Variants in CEP192 observed in about 807,000 individuals in gnomAD.
The protein encoded by CEP192 is centrosomal protein 192, also known as centrosomal protein of 192 kDa.
A neutral mutation model predicts 271.8 loss-of-function variants in CEP192; 151 were observed. The ratio of observed to expected loss-of-function variants is 0.56; its 90% CI spans 0.49 to 0.64. The LOEUF (loss-of-function observed/expected upper bound fraction) is 0.64, where lower values mean the gene tolerates loss of function less well. Ranked by LOEUF, CEP192 falls within the 30% of genes least tolerant of loss-of-function variation. The pLI, the probability that CEP192 is intolerant of heterozygous loss-of-function variation, is 0.00. For missense variants in CEP192, 2,910 were observed against 3,020.5 expected (o/e 0.96, Z 0.86); for synonymous variants, 995 against 1,076.5 (o/e 0.92, Z 1.48).
chr18:13,100,393 C>T lies in CEP192; in HGVS notation c.6752C>T (p.Pro2251Leu), dbSNP rs763198795. ...LTSKPFGILSPVSEPSVSHLV... is the reference protein window; with the variant it reads ...LTSKPFGILSLVSEPSVSHLV... ...TCCAAACCATTTGGAATTCTTTCCCCAGTATCTGAGCCTTCAGTTAGTCAT... is the reference window on the plus strand; with the variant it reads ...TCCAAACCATTTGGAATTCTTTCCCTAGTATCTGAGCCTTCAGTTAGTCAT... Residue 2251 changes from proline to leucine, a missense_variant, in exon 38 of 45, where the codon CCA (proline) becomes CTA (leucine). By Grantham distance (98) the Pro-to-Leu change is moderately conservative. Coordinates refer to ENST00000506447, the MANE Select transcript of CEP192 (RefSeq NM_032142.4). 2.5e-6 allele frequency: 4 copies of T among 1,613,880 alleles called. No homozygotes were observed. In the East Asian group the frequency reaches 8.9e-5, roughly 36 times the overall value.
At chr18:13,014,765 A>G (rs2034548608) in intron 5 of CEP192, among the ~76,000 whole-genome samples, 1 of 152,204 alleles carries the variant, frequency 6.6e-6, no homozygotes, top group South Asian at 2.1e-4. Context: ...GCATTTTCCA[A>G]TATAATTCCT....
chr18:13,031,457 C>T (rs1037698492), intron 11 of CEP192, among the ~76,000 whole-genome samples: 6 of 151,888 alleles, frequency 4.0e-5, no homozygotes, highest in Non-Finnish European at 8.8e-5. Context: ...CCGTTTTAGC[C>T]GGGATGGTCT....
intron 9 of CEP192, among the ~76,000 whole-genome samples, chr18:13,026,486 G>A (rs898365833): frequency 1.3e-5 from 2 of 152,032 alleles, no homozygotes; most frequent in Admixed American, 1.3e-4. Flanking sequence ...CAAATATTCT[G>A]TTGCTTTCTG....
In CEP192 at chr18:13,049,200, T is replaced by C; in HGVS notation, c.2409T>C (p.Ala803=). 3 of 1,614,044 alleles carry C rather than the reference T, an allele frequency of 1.9e-6. No homozygotes were observed. In the East Asian group the frequency reaches 6.7e-5, roughly 36 times the overall value. ...GTGCATTGGAAAACTTTTCAAGGGC[T>C]AGTATGTCTGATACTTGGGATTTAT... is the stretch of plus-strand genomic sequence containing the variant. ...YESALENFSR[A]SMSDTWDLSL... is the part of the protein sequence containing the mutation. The change falls in exon 16 of 45, where the codon GCT becomes GCC. Residue 803 remains alanine, a synonymous_variant. Coordinates refer to ENST00000506447, the MANE Select transcript of CEP192 (RefSeq NM_032142.4).
chr18:13,019,113 G>A lies in CEP192; in HGVS notation c.957G>A (p.Arg319=). 1.9e-6 allele frequency: 3 copies of A among 1,542,388 alleles called. No individual in the cohort carries two copies. Among genetic ancestry groups the A allele is most frequent in the Non-Finnish European group, 2.6e-6 (3 of 1,143,530 alleles). Residue 319 remains arginine, a synonymous_variant, in exon 9 of 45, where the codon AGG becomes AGA. Transcript: ENST00000506447. The stretch of plus-strand genomic sequence containing the variant: ...CTATAGGTACTGGAGATAGTAGAAG[G>A]TACACAGATGGTATGTTACCATTTT... The part of the protein sequence containing the change: ...SNSIGTGDSR[R]YTDGMLPFSS...
At chr18:13,111,049 A>G (rs544792547) in intron 40 of CEP192, among the ~76,000 whole-genome samples, 8 of 152,292 alleles carry the variant, frequency 5.3e-5, no homozygotes, top group African/African-American at 1.7e-4. Flanking sequence ...ACACCCTCAT[A>G]GACACACCCA....
intron 18 of CEP192, among the ~76,000 whole-genome samples, chr18:13,054,123 C>G (rs1401074869): frequency 1.3e-5 from 2 of 152,166 alleles, no homozygotes; most frequent in African/African-American, 4.8e-5. Flanking sequence ...CCACCAAGCC[C>G]AGGCTGGTTT....
chr18:13,032,947 G>A (rs2035717531), intron 11 of CEP192, among the ~76,000 whole-genome samples: 1 of 152,226 alleles, frequency 6.6e-6, no homozygotes, highest in South Asian at 2.1e-4. Context: ...AGTTCTATTT[G>A]TATACAGCTG....
chr18:13,022,086 A>T (rs1223785019), intron 9 of CEP192, among the ~76,000 whole-genome samples: 1 of 152,166 alleles, frequency 6.6e-6, no homozygotes, highest in Admixed American at 6.5e-5. Flanking sequence ...ATTTTTTTGC[A>T]TATAAATATC....
chr18:13,044,313 G>C (rs951507542), intron 15 of CEP192, among the ~76,000 whole-genome samples: 1 of 151,906 alleles, frequency 6.6e-6, no homozygotes, highest in Non-Finnish European at 1.5e-5. Context: ...TGCCTTCCTT[G>C]ACTGGATGGA....
At chr18:13,041,067 T>G (rs1403726587) in intron 14 of CEP192, 111 bp downstream of exon 14, 9 of 837,344 alleles carry the variant, frequency 1.1e-5, no homozygotes, top group Non-Finnish European at 1.6e-5. Flanking sequence ...TATAACACTT[T>G]GTAGTTTCTC....
intron 9 of CEP192, 89 bp from the exon 10 acceptor site, chr18:13,029,574 A>T: frequency 1.3e-6 from 1 of 766,552 alleles, no homozygotes; most frequent in Non-Finnish European, 2.1e-6. Context: ...TATATCAACT[A>T]TATAATTTTT....
intron 3 of CEP192, among the ~76,000 whole-genome samples, chr18:13,002,151 C>T (rs1436069596): frequency 6.6e-6 from 1 of 152,152 alleles, no homozygotes; most frequent in African/African-American, 2.4e-5. Flanking sequence ...CCTGTAATCC[C>T]ACTAACTAGA....
intron 14 of CEP192, among the ~76,000 whole-genome samples, chr18:13,041,815 C>G (rs893883341): frequency 1.3e-5 from 2 of 152,168 alleles, no homozygotes; most frequent in Non-Finnish European, 2.9e-5. Flanking sequence ...ATCCGCCCAC[C>G]TCAGACTCCC....
chr18:13,101,834 T>C lies in CEP192; in HGVS notation c.6871+1322T>C, dbSNP rs2039719722. 2.0e-5 allele frequency among the ~76,000 whole-genome samples: 3 copies of C among 152,160 alleles called. 1 individual carries two copies. The South Asian group carries it at 6.2e-4, about 32-fold the overall frequency. ...CCCCTGCCTGCTGGCACTGCCTGTT[T>C]TGTGCTCTCTCCCAGCCCGCCCATG... On this transcript the variant is annotated intron_variant, in intron 38 of 44. Coordinates refer to ENST00000506447, the MANE Select transcript of CEP192 (RefSeq NM_032142.4).
rs1231173712 is a variant in CEP192 at position 13,001,498 on chromosome 18, T to A, written c.206T>A (p.Phe69Tyr). ...GCATCTTACTTAGTAGAAGGGAGAT[T>A]TTCAGTTCCATCCGGGTCATCTCCC... ...IQASYLVEGR[F>Y]SVPSGSSPGS... is the part of the protein sequence containing the mutation. Residue 69 changes from phenylalanine to tyrosine, a missense_variant, in exon 3 of 45, where the codon TTT becomes TAT. Phe to Tyr is a conservative substitution (Grantham distance 22). Transcript: ENST00000506447. The A allele has an allele frequency of 3.9e-6, 6 of 1,550,002 alleles. No individual in the cohort carries two copies. In the Admixed American group the frequency reaches 9.8e-5, roughly 25 times the overall value.
chr18:13,080,469 A>G (rs1245282878), intron 30 of CEP192, among the ~76,000 whole-genome samples: 2 of 152,098 alleles, frequency 1.3e-5, no homozygotes, highest in Non-Finnish European at 2.9e-5. Flanking sequence ...AATGCTTGTG[A>G]TTTTTGCACA....
chr18:13,048,858 G>A lies in CEP192; in HGVS notation c.2068-1G>A. Reference sequence around the variant, plus strand: ...CTGATGTTTAATTTTCTCACTTCTAGGACACTTTCTTCATGAGCAACAAAC... The same window carrying A: ...CTGATGTTTAATTTTCTCACTTCTAAGACACTTTCTTCATGAGCAACAAAC... On this transcript the variant is annotated splice_acceptor_variant, in intron 15 of 44. Transcript: ENST00000506447. LOFTEE classifies it high-confidence loss of function. The A allele has an allele frequency of 6.3e-7, 1 of 1,585,036 alleles. No homozygotes were observed.
intron 9 of CEP192, among the ~76,000 whole-genome samples, chr18:13,026,080 C>T (rs1229900635): frequency 6.6e-6 from 1 of 152,172 alleles, no homozygotes; most frequent in Non-Finnish European, 1.5e-5. Context: ...TTTTGCTTGT[C>T]TGAGAAGGTA....
Sources: allele counts gnomAD v4.1 joint callset (sites outside exome capture counted in the v4.1 genomes callset), GRCh38; gene constraint gnomAD v4.1.1; transcripts MANE v1.5; gene names NCBI Gene and HGNC (gene_info 2026-07-23, HGNC 2026-07-21).